LAT2: variants seen among roughly 807,000 people sequenced by gnomAD.
The protein encoded by LAT2 is linker for activation of T cells family member 2.
LAT2 carries 23 observed loss-of-function variants against 43.4 expected under a neutral mutation model. The ratio of observed to expected loss-of-function variants is 0.53; its 90% CI spans 0.38 to 0.75. LAT2 has a LOEUF of 0.75. Ranked by LOEUF, LAT2 falls within the 30% of genes least tolerant of loss-of-function variation. The probability of loss-of-function intolerance (pLI) is 0.00; values close to 1 mark genes in which losing one functional copy is unlikely to be tolerated. For synonymous variants in LAT2, 128 were observed against 123.2 expected (o/e 1.04, Z -0.26); for missense variants, 284 against 310.2 (o/e 0.92, Z 0.64).
chr7:74,219,621 A>C (rs1802186492), intron 4 of LAT2, 123 bp from the exon 5 acceptor site: 3 of 1,167,856 alleles, frequency 2.6e-6, no homozygotes, highest in Non-Finnish European at 3.8e-6. Context: ...GTTCCTCCCC[A>C]CTGTCGCCCC....
chr7:74,223,630 C>A, intron 10 of LAT2, 94 bp from the exon 11 acceptor site: 1 of 1,199,408 alleles, frequency 8.3e-7, no homozygotes, highest in Non-Finnish European at 1.2e-6. Flanking sequence ...CGGAAGAGGT[C>A]CCCTGCAAAG....
At chr7:74,217,846 C>T (rs1554714478) in intron 4 of LAT2, among the ~76,000 whole-genome samples, 2 of 152,222 alleles carry the variant, frequency 1.3e-5, no homozygotes, top group African/African-American at 2.4e-5. Flanking sequence ...CACACGCACA[C>T]CCGCACACAC....
intron 1 of LAT2, among the ~76,000 whole-genome samples, chr7:74,211,299 C>A (rs975890423): frequency 6.6e-6 from 1 of 152,140 alleles, no homozygotes; most frequent in Non-Finnish European, 1.5e-5. Flanking sequence ...TTTTTTTAAA[C>A]GGAGTCTCAC....
intron 13 of LAT2, among the ~76,000 whole-genome samples, chr7:74,228,068 C>T (rs1230991604): frequency 2.8e-5 from 4 of 143,126 alleles, no homozygotes; most frequent in East Asian, 2.2e-4. Context: ...CCCAGCTACT[C>T]GGGAGGCTGA....
At chr7:74,223,506 AGAG>A (rs1385837402) in intron 10 of LAT2, among the ~76,000 whole-genome samples, 2 of 152,110 alleles carry the variant, frequency 1.3e-5, no homozygotes, top group Admixed American at 1.3e-4. Context: ...CAAAGAAGAC[AGAG>A]GAGCTCAGGG....
At chr7:74,214,093 T>TATATATAAATATATATATGAAAAA (rs1801845653) in intron 1 of LAT2, among the ~76,000 whole-genome samples, 1 of 114,522 alleles carries the variant, frequency 8.7e-6, no homozygotes, top group Non-Finnish European at 1.7e-5. Flanking sequence ...TATGAAAAAA[T>TATATATAAATATATATATGAAAAA]ATATATAAAT....
chr7:74,222,320 G>A (rs1802316674), intron 10 of LAT2, among the ~76,000 whole-genome samples: 1 of 150,026 alleles, frequency 6.7e-6, no homozygotes, highest in African/African-American at 2.4e-5. Flanking sequence ...AGAATTGCTT[G>A]AACCCGGGAG....
Position 74,220,092 on chromosome 7 carries a change from C to G in LAT2, c.227+84C>G. 3 of 1,569,362 alleles carry G rather than the reference C, an allele frequency of 1.9e-6. No homozygotes were observed. In the South Asian group the frequency reaches 3.4e-5, roughly 18 times the overall value. ...TGAGCCCAGGTCAAGACCTCCCTCC[C>G]TCCCCGAGTCCCAGAGCTCCAGGGC... On this transcript the variant is annotated intron_variant, in intron 6 of 13. Transcript: ENST00000460943. This position sits in a 1 kb window ranked among gnomAD's most constrained non-coding sequence, Gnocchi z 4.5.
intron 1 of LAT2, among the ~76,000 whole-genome samples, chr7:74,213,368 G>A (rs1320060885): frequency 2.0e-5 from 3 of 149,884 alleles, no homozygotes; most frequent in South Asian, 2.1e-4. Flanking sequence ...TGAACCACCC[G>A]CCTCAGCCTC....
intron 10 of LAT2, 92 bp from the exon 11 acceptor site, chr7:74,223,632 C>T: frequency 8.0e-7 from 1 of 1,245,128 alleles, no homozygotes; most frequent in Non-Finnish European, 1.2e-6. Context: ...GAAGAGGTCC[C>T]CTGCAAAGGG....
Position 74,220,752 on chromosome 7 carries a change from T to C in LAT2, c.332+18T>C. On this transcript the variant is annotated intron_variant, in intron 9 of 13. Coordinates refer to ENST00000460943, the MANE Select transcript of LAT2 (RefSeq NM_032464.3). The surrounding 1 kb of genome is among the most constrained non-coding windows in gnomAD (Gnocchi z 4.5). ...GCCTACATGTGAGTGACCTTGATCCTGTCCCCCCTGCCTCGCCTCTCCCCC... is the reference window on the plus strand; with the variant it reads ...GCCTACATGTGAGTGACCTTGATCCCGTCCCCCCTGCCTCGCCTCTCCCCC... 1 of 1,540,904 alleles carries C rather than the reference T, an allele frequency of 6.5e-7. No individual in the cohort carries two copies. The highest frequency in any genetic ancestry group is 1.2e-5 in the South Asian group (1 of 84,098).
rs146264430 is a variant in LAT2 at position 74,210,080 on chromosome 7, G to C, written c.-227G>C. 8 of 152,538 alleles carry C rather than the reference G, an allele frequency of 5.2e-5. No individual in the cohort carries two copies. Among genetic ancestry groups the C allele is most frequent in the African/African-American group, 1.9e-4 (8 of 41,566 alleles). 9.4% of individuals were successfully genotyped at this position (152,538 alleles called of 1,614,324 possible). A position where few individuals can be genotyped will look rare whatever the true frequency, so the allele number is the denominator to read the frequency against. On this transcript the variant is annotated 5_prime_UTR_variant, in exon 1 of 14. Transcript: ENST00000460943. ...GGGGCGGCCGTGGTGAGGAACCCTG[G>C]ACTCTCAGGTAAGCCTTTCCCAGGG... is the stretch of plus-strand genomic sequence containing the variant.
rs368359414 is a variant in LAT2 at position 74,219,921 on chromosome 7, T to C, written c.179-39T>C. 19 of 1,608,032 alleles carry C rather than the reference T, an allele frequency of 1.2e-5. No individual in the cohort carries two copies. In the African/African-American group the frequency reaches 2.4e-4, roughly 20 times the overall value. ...GATGGGGTGAGGGGGCTGGGCTAGC[T>C]GGGGGCCCAGCCAACACCCCACTTC... On this transcript the variant is annotated intron_variant, in intron 5 of 13. Coordinates refer to ENST00000460943, the MANE Select transcript of LAT2 (RefSeq NM_032464.3).
chr7:74,212,093 G>A (rs1801753875), intron 1 of LAT2, among the ~76,000 whole-genome samples: 1 of 151,674 alleles, frequency 6.6e-6, no homozygotes, highest in Non-Finnish European at 1.5e-5. Context: ...ACAGGCATGT[G>A]CCACTGCGCC....
intron 4 of LAT2, among the ~76,000 whole-genome samples, 175 bp downstream of exon 4, chr7:74,217,039 G>A (rs1554714384): frequency 1.3e-5 from 2 of 152,154 alleles, no homozygotes; most frequent in South Asian, 4.1e-4. Flanking sequence ...GGGCTGTCCA[G>A]GCCCTGCTGT....
chr7:74,220,437 C>T lies in LAT2; in HGVS notation c.266-147C>T, dbSNP rs1348587768. On this transcript the variant is annotated intron_variant, in intron 7 of 13. Coordinates refer to ENST00000460943, the MANE Select transcript of LAT2 (RefSeq NM_032464.3). This position sits in a 1 kb window ranked among gnomAD's most constrained non-coding sequence, Gnocchi z 4.5. ...ATCGGCCTGGCAGGGGGAGGGTGCA[C>T]ACTCGCACATGCCCCACTGAGGGGA... 8.2e-7 allele frequency: 1 copy of T among 1,222,526 alleles called. No homozygotes were observed. Among genetic ancestry groups the T allele is most frequent in the South Asian group, 1.3e-5 (1 of 76,540 alleles). 75.7% of individuals were successfully genotyped at this position (1,222,526 alleles called of 1,614,324 possible). A position where few individuals can be genotyped will look rare whatever the true frequency, so the allele number is the denominator to read the frequency against.
At chr7:74,219,326 A>G (rs1304142961) in intron 4 of LAT2, among the ~76,000 whole-genome samples, 1 of 152,046 alleles carries the variant, frequency 6.6e-6, no homozygotes, top group African/African-American at 2.4e-5. Context: ...AATTTACCCC[A>G]AGTCATTGCT....
At position 74,223,722 on chromosome 7, in the gene LAT2, A is replaced by T; in HGVS notation, c.389-2A>T. The T allele has an allele frequency of 2.5e-6, 4 of 1,613,916 alleles. No homozygotes were observed. The highest frequency in any genetic ancestry group is 3.4e-6 in the Non-Finnish European group (4 of 1,179,922). ...CCGTGCCCACTCCTCTCTCTCCTGC[A>T]GATGATGATGCCAATTCCTACGAGA... On this transcript the variant is annotated splice_acceptor_variant, in intron 10 of 13. Coordinates refer to ENST00000460943, the MANE Select transcript of LAT2 (RefSeq NM_032464.3). LOFTEE classifies it high-confidence loss of function.
At chr7:74,214,297 T>A (rs1205763335) in intron 1 of LAT2, among the ~76,000 whole-genome samples, 5 of 66,546 alleles carry the variant, frequency 7.5e-5, no homozygotes, top group African/African-American at 2.0e-4. Context: ...TATATGAAAA[T>A]ATATATATAA....
Sources: gnomAD v4.1 joint callset for allele counts (sites outside exome capture counted in the v4.1 genomes callset) on GRCh38, gnomAD v4.1.1 for gene constraint, Gnocchi (gnomAD v3.1) non-coding constraint, MANE v1.5 for transcripts, NCBI Gene and HGNC (gene_info 2026-07-23, HGNC 2026-07-21) for gene names.